Variants in MYO5A observed in about 807,000 individuals in gnomAD.
The protein encoded by MYO5A is unconventional myosin-Va.
In MYO5A, 98 loss-of-function variants were observed where a neutral mutation model predicts 249.7. The observed-to-expected ratio is 0.39, with a 90% CI of 0.33 to 0.46. The LOEUF (loss-of-function observed/expected upper bound fraction) is 0.46, where lower values mean the gene tolerates loss of function less well. Among genes scored for constraint, MYO5A ranks in the 20% least tolerant of loss-of-function variants. The probability of loss-of-function intolerance (pLI) is 0.98; values close to 1 mark genes in which losing one functional copy is unlikely to be tolerated. For synonymous variants in MYO5A, 778 were observed against 810.6 expected (o/e 0.96, Z 0.68); for missense variants, 1,696 against 2,308.8 (o/e 0.73, Z 5.44).
chr15:52,353,785 G>T lies in MYO5A; in HGVS notation c.3567+86C>A, dbSNP rs573749029. ...CTTTAACCAAGTGGTGCTTGGATAG[G>T]CTGGGCTGAGTCTCCACTAAGGAAG... is the stretch of plus-strand genomic sequence containing the variant. On this transcript the variant is annotated intron_variant, in intron 26 of 41. Coordinates refer to ENST00000399233, the MANE Select transcript of MYO5A (RefSeq NM_001382347.1). 6 of 1,604,266 alleles carry T rather than the reference G, an allele frequency of 3.7e-6. No individual in the cohort carries two copies. The East Asian group carries it at 1.3e-4, about 36-fold the overall frequency.
intron 1 of MYO5A, among the ~76,000 whole-genome samples, chr15:52,454,572 G>A (rs1365561751): frequency 1.4e-4 from 22 of 152,034 alleles, no homozygotes. Context: ...ATCAGCACAT[G>A]AAATATTCTC....
At chr15:52,339,122 T>A (rs2039261693) in intron 32 of MYO5A, among the ~76,000 whole-genome samples, 1 of 151,326 alleles carries the variant, frequency 6.6e-6, no homozygotes, top group African/African-American at 2.5e-5. Context: ...TGGTGGAGCC[T>A]CATACAGACA....
intron 14 of MYO5A, among the ~76,000 whole-genome samples, chr15:52,385,849 G>C (rs189801908): frequency 1.3e-5 from 2 of 152,246 alleles, no homozygotes; most frequent in South Asian, 2.1e-4. Context: ...AAGCCTCCAA[G>C]CTATGTTAGG....
chr15:52,501,240 G>C (rs2077152780), intron 1 of MYO5A, among the ~76,000 whole-genome samples: 1 of 151,928 alleles, frequency 6.6e-6, no homozygotes, highest in Non-Finnish European at 1.5e-5. Flanking sequence ...CAAAGTGCTG[G>C]GATTACAGGC....
At chr15:52,331,027 T>C (rs182760301) in intron 34 of MYO5A, among the ~76,000 whole-genome samples, 3 of 152,192 alleles carry the variant, frequency 2.0e-5, no homozygotes, top group Admixed American at 6.5e-5. Flanking sequence ...CACATACAGA[T>C]AGCTGGTAGA....
intron 8 of MYO5A, among the ~76,000 whole-genome samples, chr15:52,406,596 T>A (rs2043013626): frequency 6.6e-6 from 1 of 152,218 alleles, no homozygotes; most frequent in South Asian, 2.1e-4. Flanking sequence ...CTGAGGGTAC[T>A]ACTCAAAATG....
chr15:52,332,504 G>T (rs139195212), intron 34 of MYO5A, among the ~76,000 whole-genome samples: 24 of 152,166 alleles, frequency 1.6e-4, no homozygotes, highest in African/African-American at 5.5e-4. Flanking sequence ...GATATTTTTG[G>T]TACTGTATAA....
rs560481684 is a variant in MYO5A at position 52,387,320 on chromosome 15, A to G, written c.1752+509T>C. Among the ~76,000 whole-genome samples, 3 of 152,334 alleles carry G rather than the reference A, an allele frequency of 2.0e-5. No homozygotes were observed. The South Asian group carries it at 6.2e-4, about 32-fold the overall frequency. Reference sequence around the variant, plus strand: ...AAATAATTTCAAAGTGCTTTGGGCCACACCTGGAACTGCACTCAGTGATGA... The same window carrying G: ...AAATAATTTCAAAGTGCTTTGGGCCGCACCTGGAACTGCACTCAGTGATGA... On this transcript the variant is annotated intron_variant, in intron 14 of 41. Coordinates refer to ENST00000399233, the MANE Select transcript of MYO5A (RefSeq NM_001382347.1).
At chr15:52,344,275 A>G (rs2039513114) in intron 30 of MYO5A, among the ~76,000 whole-genome samples, 1 of 152,162 alleles carries the variant, frequency 6.6e-6, no homozygotes, top group Admixed American at 6.5e-5. Context: ...TCTCCTGTCT[A>G]CAGATTTATA....
At chr15:52,505,883 C>A in intron 1 of MYO5A, 2 of 1,553,806 alleles carry the variant, frequency 1.3e-6, no homozygotes, top group Admixed American at 2.1e-5. Flanking sequence ...TGGATCATGG[C>A]ATTTAAATAA....
intron 1 of MYO5A, among the ~76,000 whole-genome samples, chr15:52,494,350 T>TGTACAAGGGAC (rs1250288358): frequency 6.6e-6 from 1 of 152,172 alleles, no homozygotes; most frequent in Non-Finnish European, 1.5e-5. Context: ...CCAAGGGTCT[T>TGTACAAGGGAC]CTTGGTTCTG....
At chr15:52,345,164 A>G (rs887952323) in intron 30 of MYO5A, among the ~76,000 whole-genome samples, 6 of 152,192 alleles carry the variant, frequency 3.9e-5, no homozygotes, top group African/African-American at 9.6e-5. Flanking sequence ...GCATATAACC[A>G]TGTACATCCT....
At chr15:52,346,719 C>A (rs1482673610) in intron 29 of MYO5A, 1 of 537,288 alleles carries the variant, frequency 1.9e-6, no homozygotes, top group Non-Finnish European at 3.5e-6. Context: ...AATGTCACGG[C>A]CCTGTAAATA....
intron 1 of MYO5A, chr15:52,438,028 C>T (rs977866814): frequency 3.6e-5 from 35 of 984,874 alleles, no homozygotes; most frequent in Non-Finnish European, 3.1e-5. Context: ...TCTATTATTA[C>T]CATTGCCTTT....
chr15:52,464,369 C>T (rs1235077407), intron 1 of MYO5A, among the ~76,000 whole-genome samples: 1 of 152,222 alleles, frequency 6.6e-6, no homozygotes, highest in African/African-American at 2.4e-5. Context: ...AAGTTCAATG[C>T]CATTGCTGTA....
intron 1 of MYO5A, among the ~76,000 whole-genome samples, chr15:52,514,950 A>T (rs1007276903): frequency 6.6e-6 from 1 of 152,168 alleles, no homozygotes; most frequent in Non-Finnish European, 1.5e-5. Flanking sequence ...AAGACCAAAG[A>T]TTGCTTAGGA....
chr15:52,489,424 C>T (rs775198802), intron 1 of MYO5A, among the ~76,000 whole-genome samples: 6 of 151,932 alleles, frequency 3.9e-5, no homozygotes, highest in African/African-American at 1.5e-4. Flanking sequence ...ATTAGCCGGG[C>T]GTGGTGGCAC....
At chr15:52,463,038 T>C (rs1440317386) in intron 1 of MYO5A, among the ~76,000 whole-genome samples, 2 of 152,054 alleles carry the variant, frequency 1.3e-5, no homozygotes, top group Admixed American at 1.3e-4. Flanking sequence ...GACAGGACAA[T>C]GGGAATCATA....
chr15:52,440,255 CTT>C, intron 1 of MYO5A, among the ~76,000 whole-genome samples: 1 of 144,904 alleles, frequency 6.9e-6, no homozygotes, highest in East Asian at 2.0e-4. Context: ...CACCAGCCAT[CTT>C]TTTTTTTTCT....
Sources: gnomAD v4.1 joint callset for allele counts (sites outside exome capture counted in the v4.1 genomes callset) on GRCh38, gnomAD v4.1.1 for gene constraint, MANE v1.5 for transcripts, NCBI Gene and HGNC (gene_info 2026-07-23, HGNC 2026-07-21) for gene names.